TFDP2: variants seen among roughly 807,000 people sequenced by gnomAD.
TFDP2 encodes transcription factor Dp-2 (E2F dimerization partner 2).
Under a neutral mutation model 59.3 loss-of-function variants are expected in TFDP2, and 17 were observed. The ratio of observed to expected loss-of-function variants is 0.29; its 90% confidence interval spans 0.20 to 0.43. The LOEUF (loss-of-function observed/expected upper bound fraction) is 0.43, where lower values mean the gene tolerates loss of function less well. TFDP2 is among the 20% of genes least tolerant of loss of function. TFDP2 has a pLI of 1.00. For missense variants in TFDP2, 391 were observed against 528.8 expected (o/e 0.74, Z 2.56); for synonymous variants, 180 against 194.7 (o/e 0.92, Z 0.63).
chr3:141,970,084 G>C lies in TFDP2; in HGVS notation c.721C>G (p.Leu241Val). 6.2e-7 allele frequency: 1 copy of C among 1,614,140 alleles called. No individual in the cohort carries two copies. The highest frequency in any genetic ancestry group is 8.5e-7 in the Non-Finnish European group (1 of 1,179,972). The change falls in exon 9 of 13, where the codon CTT becomes GTT. Residue 241 changes from leucine (L) to valine (V), a missense_variant. Leu to Val is a conservative substitution (Grantham distance 32, BLOSUM62 1). Transcript: ENST00000489671. Reference sequence around the variant, plus strand: ...CTCGGTATCTTTACCTGTAGGAGAAGTTCTTGCAGCTGGGCCCGCTTCTGC... The same window carrying C: ...CTCGGTATCTTTACCTGTAGGAGAACTTCTTGCAGCTGGGCCCGCTTCTGC... ...IKQKRAQLQE[L>V]LLQQIAFKNL...
At chr3:142,038,381 C>T (rs141351250) in intron 3 of TFDP2, among the ~76,000 whole-genome samples, 2 of 72,016 alleles carry the variant, frequency 2.8e-5, no homozygotes, top group African/African-American at 1.4e-4. Flanking sequence ...GAGACTCCAT[C>T]TCAAAAAAAA....
At chr3:141,966,031 T>C (rs1319764996) in intron 9 of TFDP2, among the ~76,000 whole-genome samples, 1 of 152,010 alleles carries the variant, frequency 6.6e-6, no homozygotes, top group African/African-American at 2.4e-5. Context: ...AAGAGGACCC[T>C]GGTATATGGG....
intron 2 of TFDP2, among the ~76,000 whole-genome samples, chr3:142,098,658 C>T (rs1319995898): frequency 1.3e-5 from 2 of 152,136 alleles, no homozygotes; most frequent in African/African-American, 4.8e-5. Flanking sequence ...GTAATCCTAG[C>T]ACTATGGGAG....
At chr3:142,073,471 G>T (rs373786906) in intron 3 of TFDP2, among the ~76,000 whole-genome samples, 1 of 3,446 alleles carries the variant, frequency 2.9e-4, no homozygotes. Flanking sequence ...CCCCCCCCCC[G>T]CAAAAAAAAA....
intron 2 of TFDP2, 134 bp from the exon 3 acceptor site, chr3:142,093,261 A>C (rs2061056386): frequency 1.9e-6 from 1 of 529,696 alleles, no homozygotes; most frequent in Admixed American, 3.8e-5. Flanking sequence ...AATTATATTA[A>C]CCACAGGAGT....
intron 3 of TFDP2, among the ~76,000 whole-genome samples, chr3:142,019,857 C>T (rs1210081032): frequency 3.9e-5 from 6 of 152,202 alleles, no homozygotes; most frequent in African/African-American, 1.4e-4. Context: ...TTCTATTCTG[C>T]TCCACTGATC....
At chr3:142,019,574 A>G (rs932947986) in intron 3 of TFDP2, among the ~76,000 whole-genome samples, 1 of 152,086 alleles carries the variant, frequency 6.6e-6, no homozygotes, top group Admixed American at 6.6e-5. Context: ...TAGGTTTTAT[A>G]TTTCCAGTTG....
chr3:141,994,849 C>A (rs562161747), intron 5 of TFDP2, 171 bp downstream of exon 5: 288 of 508,624 alleles, frequency 5.7e-4, no homozygotes, highest in African/African-American at 5.4e-3. Flanking sequence ...AATAGTTATT[C>A]CAGAGATTAT....
chr3:142,122,448 T>C (rs553947866), intron 1 of TFDP2, among the ~76,000 whole-genome samples: 1 of 152,292 alleles, frequency 6.6e-6, no homozygotes, highest in South Asian at 2.1e-4. Context: ...GTTAGAATCA[T>C]TCCTCCAAAA....
chr3:141,969,041 GAT>G lies in TFDP2; in HGVS notation c.732+1030_732+1031del, dbSNP rs1389480740. ...ATATATAACATATATCTCATATATAGATATATATATAACATATATATCTCATA... is the reference window on the plus strand; with the variant it reads ...ATATATAACATATATCTCATATATAGATATATATAACATATATATCTCATA... On this transcript the variant is annotated intron_variant, in intron 9 of 12. Transcript: ENST00000489671. Among the ~76,000 whole-genome samples the G allele has an allele frequency of 5.7e-4, 41 of 72,234 alleles. 3 individuals carry two copies. Among genetic ancestry groups the G allele is most frequent in the South Asian group, 7.5e-4 (2 of 2,650 alleles). 47.4% of individuals were successfully genotyped at this position (72,234 alleles called of 152,430 possible). A position where few individuals can be genotyped will look rare whatever the true frequency, so the allele number is the denominator to read the frequency against.
intron 1 of TFDP2, chr3:142,145,644 AAGG>A (rs1236213742): frequency 1.3e-5 from 2 of 152,028 alleles, no homozygotes; most frequent in Non-Finnish European, 2.9e-5. Context: ...GAGGCTGGAG[AAGG>A]AGAATTGCTT....
chr3:142,115,646 G>GA (rs1291313148), intron 1 of TFDP2, among the ~76,000 whole-genome samples: 2 of 152,174 alleles, frequency 1.3e-5, no homozygotes, highest in Non-Finnish European at 2.9e-5. Flanking sequence ...ATAAGTACCT[G>GA]CATGTAGAGA....
At position 141,951,638 on chromosome 3, in the gene TFDP2, G is replaced by A. The variant is rs1935951277; in HGVS notation, c.*875C>T. 1 of 152,626 alleles carries A rather than the reference G, an allele frequency of 6.6e-6. No individual in the cohort carries two copies. The highest frequency in any genetic ancestry group is 2.1e-4 in the South Asian group (1 of 4,828). 9.5% of individuals were successfully genotyped at this position (152,626 alleles called of 1,614,324 possible). On this transcript the variant is annotated 3_prime_UTR_variant, in exon 13 of 13. Transcript: ENST00000489671. Reference sequence around the variant, plus strand: ...CTGTAGGCAAGCAATTTGGTCATAGGAATTTGTTTCTTTGTCTTGTTTTAA... The same window carrying A: ...CTGTAGGCAAGCAATTTGGTCATAGAAATTTGTTTCTTTGTCTTGTTTTAA...
chr3:142,047,273 C>T (rs1181319756), intron 3 of TFDP2, among the ~76,000 whole-genome samples: 2 of 152,166 alleles, frequency 1.3e-5, no homozygotes, highest in African/African-American at 4.8e-5. Flanking sequence ...ACAATCATGC[C>T]TACTCCCCTC....
At chr3:142,010,656 TAC>T (rs1230474115) in intron 3 of TFDP2, among the ~76,000 whole-genome samples, 1 of 137,238 alleles carries the variant, frequency 7.3e-6, no homozygotes, top group Non-Finnish European at 1.6e-5. Context: ...ACAGGCAACC[TAC>T]AAAATGGGAG....
intron 1 of TFDP2, among the ~76,000 whole-genome samples, chr3:142,103,780 G>A (rs2061387078): frequency 6.6e-6 from 1 of 152,060 alleles, no homozygotes; most frequent in Non-Finnish European, 1.5e-5. Context: ...ACTTAACTTC[G>A]CAAAGATCAT....
chr3:142,112,430 G>A (rs973179470), intron 1 of TFDP2, among the ~76,000 whole-genome samples: 1 of 152,110 alleles, frequency 6.6e-6, no homozygotes, highest in African/African-American at 2.4e-5. Flanking sequence ...CAAGTCCTTA[G>A]GCCTTCCCTC....
chr3:141,989,874 C>G (rs886386079), intron 6 of TFDP2, among the ~76,000 whole-genome samples: 4 of 140,004 alleles, frequency 2.9e-5, no homozygotes, highest in African/African-American at 1.0e-4. Context: ...TACAGATTTA[C>G]TTTAATAATA....
At chr3:142,031,174 C>T (rs996728561) in intron 3 of TFDP2, among the ~76,000 whole-genome samples, 2 of 152,184 alleles carry the variant, frequency 1.3e-5, no homozygotes, top group African/African-American at 2.4e-5. Context: ...AACCCAAGGT[C>T]AGAAAGATGT....
Sources: allele counts gnomAD v4.1 joint callset (sites outside exome capture counted in the v4.1 genomes callset), GRCh38; gene constraint gnomAD v4.1.1; transcripts MANE v1.5; gene names NCBI Gene and HGNC (gene_info 2026-07-23, HGNC 2026-07-21).